Variants in KMT2C observed in about 807,000 individuals in gnomAD.
KMT2C encodes histone-lysine N-methyltransferase 2C.
A neutral mutation model predicts 507.9 loss-of-function variants in KMT2C; 88 were observed. That is an observed-to-expected ratio of 0.17 (90% CI 0.15 to 0.21). The LOEUF (loss-of-function observed/expected upper bound fraction) is 0.21, where lower values mean the gene tolerates loss of function less well. KMT2C is among the 10% of genes least tolerant of loss of function. The pLI is 1.00. For synonymous variants in KMT2C, 2,049 were observed against 2,080.8 expected, an observed-to-expected ratio of 0.98 and a Z score of 0.42; for missense variants, 4,954 against 5,957.8, an observed-to-expected ratio of 0.83 and a Z score of 5.55.
chr7:152,350,213 G>A (rs937991511), intron 2 of KMT2C, among the ~76,000 whole-genome samples: 2 of 152,094 alleles, frequency 1.3e-5, no homozygotes, highest in Non-Finnish European at 2.9e-5. Context: ...TTGCACCATT[G>A]CACTCCAGCT....
intron 2 of KMT2C, among the ~76,000 whole-genome samples, chr7:152,335,207 G>C (rs773393966): frequency 9.9e-5 from 15 of 152,132 alleles, no homozygotes; most frequent in Non-Finnish European, 1.9e-4. Flanking sequence ...AGATAGAAAA[G>C]AATACAGTTC....
intron 6 of KMT2C, among the ~76,000 whole-genome samples, chr7:152,299,271 T>A (rs2096544141): frequency 6.6e-6 from 1 of 151,844 alleles, no homozygotes; most frequent in Admixed American, 6.6e-5. Context: ...TGAGCCGAGA[T>A]AGCGCCACTG....
intron 3 of KMT2C, among the ~76,000 whole-genome samples, chr7:152,320,421 G>C (rs1368608544): frequency 6.6e-6 from 1 of 152,100 alleles, no homozygotes; most frequent in Non-Finnish European, 1.5e-5. Context: ...GCTAATTTTT[G>C]TATTTTTAGT....
intron 1 of KMT2C, among the ~76,000 whole-genome samples, chr7:152,398,774 T>C (rs2097552843): frequency 1.3e-5 from 2 of 152,212 alleles, no homozygotes; most frequent in Non-Finnish European, 2.9e-5. Context: ...TAACTTTTTA[T>C]GTGACATCTT....
chr7:152,374,577 G>A (rs2097314367), intron 1 of KMT2C, among the ~76,000 whole-genome samples: 1 of 152,020 alleles, frequency 6.6e-6, no homozygotes, highest in South Asian at 2.1e-4. Context: ...GTCAGGTTAT[G>A]GGAAAATCGA....
chr7:152,157,895 T>C (rs765583654), intron 44 of KMT2C: 27 of 1,338,678 alleles, frequency 2.0e-5, no homozygotes, highest in Non-Finnish European at 2.6e-5. Flanking sequence ...ACTCCAATGA[T>C]TGGTTCCATT....
intron 6 of KMT2C, among the ~76,000 whole-genome samples, chr7:152,301,246 T>A (rs2129193315): frequency 6.7e-6 from 1 of 150,092 alleles, no homozygotes; most frequent in Non-Finnish European, 1.5e-5. Context: ...GGATCACACC[T>A]GTAGTCCCAA....
At chr7:152,232,015 G>T (rs1275037332) in intron 16 of KMT2C, among the ~76,000 whole-genome samples, 1 of 152,010 alleles carries the variant, frequency 6.6e-6, no homozygotes, top group Non-Finnish European at 1.5e-5. Flanking sequence ...GAGTAGCTGG[G>T]ACTACAGGTG....
At chr7:152,365,880 G>A (rs1217724227) in intron 1 of KMT2C, among the ~76,000 whole-genome samples, 2 of 152,134 alleles carry the variant, frequency 1.3e-5, no homozygotes, top group Non-Finnish European at 2.9e-5. Flanking sequence ...TGGGTACTCA[G>A]GAGGATGAGG....
At chr7:152,187,628 T>A in intron 32 of KMT2C, 87 bp downstream of exon 32, 4 of 1,488,194 alleles carry the variant, frequency 2.7e-6, no homozygotes, top group Non-Finnish European at 3.7e-6. Context: ...AATAATATCA[T>A]ACACAATCAT....
At chr7:152,184,166 A>G (rs1407442563) in intron 34 of KMT2C, among the ~76,000 whole-genome samples, 1 of 148,000 alleles carries the variant, frequency 6.8e-6, no homozygotes, top group Non-Finnish European at 1.5e-5. Flanking sequence ...ATCATTAAAG[A>G]AATCACTTAA....
At chr7:152,328,884 G>T (rs1480580974) in intron 3 of KMT2C, among the ~76,000 whole-genome samples, 1 of 152,126 alleles carries the variant, frequency 6.6e-6, no homozygotes, top group Non-Finnish European at 1.5e-5. Flanking sequence ...TTATTGAAAT[G>T]AGGAAATCGT....
intron 26 of KMT2C, among the ~76,000 whole-genome samples, chr7:152,201,617 GAAAAAAAAAAAAAA>G (rs745427209): frequency 3.5e-4 from 8 of 22,906 alleles, no homozygotes; most frequent in Admixed American, 1.6e-3. Context: ...CAACAAAGAT[GAAAAAAAAAAAAAA>G]AAAAAAAAAA....
Position 152,224,590 on chromosome 7 carries a change from A to T in KMT2C, c.3003T>A (p.Gly1001=). The T allele has an allele frequency of 6.3e-7, 1 of 1,591,558 alleles. No individual in the cohort carries two copies. The highest frequency in any genetic ancestry group is 8.6e-7 in the Non-Finnish European group (1 of 1,161,960). ...IKITKVVLSK[G]WRCLECTVCE... ...ACACAGTGCACTCAAGACACCTCCA[A>T]CCTTTGCTAAGAACCACTTTAGTGA... Residue 1001 remains glycine (G), a synonymous_variant, in exon 19 of 59, where the codon GGT becomes GGA. Transcript: ENST00000262189.
chr7:152,179,630 T>A (rs758646383), intron 37 of KMT2C, among the ~76,000 whole-genome samples: 39 of 140,350 alleles, frequency 2.8e-4, no homozygotes, highest in South Asian at 9.8e-4. Context: ...CTATTTCTTT[T>A]AAAAAATTTT....
Position 152,182,508 on chromosome 7 carries a change from TTGC to T in KMT2C, c.5349_5351del (p.Gln1787del), listed in dbSNP as rs749417254. ...GATGCTGAGAACCAAATTGCTGTTG[TTGC>T]TGCTGCTGCTGCTCATTTTTCACCT... On this transcript the variant is annotated inframe_deletion, in exon 36 of 59. Coordinates refer to ENST00000262189, the MANE Select transcript of KMT2C (RefSeq NM_170606.3). 3 of 1,613,812 alleles carry T rather than the reference TTGC, an allele frequency of 1.9e-6. No individual in the cohort carries two copies. The highest frequency in any genetic ancestry group is 2.2e-5 in the East Asian group (1 of 44,884).
chr7:152,311,710 GTATT>G (rs2096673213), intron 5 of KMT2C, 84 bp downstream of exon 5: 3 of 883,468 alleles, frequency 3.4e-6, no homozygotes, highest in South Asian at 5.1e-5. Context: ...TAGATGAAAG[GTATT>G]TATTATTGAG....
chr7:152,248,306 A>G lies in KMT2C; in HGVS notation c.2128T>C (p.Cys710Arg). The change falls in exon 14 of 59, where the codon TGT becomes CGT. Residue 710 changes from cysteine (C) to arginine (R), a missense_variant. Cys to Arg is a radical substitution (Grantham distance 180). Coordinates refer to ENST00000262189, the MANE Select transcript of KMT2C (RefSeq NM_170606.3). The stretch of plus-strand genomic sequence containing the variant: ...TCTATAACCAACTGTTCCTCAGGAC[A>G]TAATGAAATACTTTCCTCATGTGGG... Reference protein sequence around the residue: ...VSPHEESISLCPEEQLVIERL... With the variant: ...VSPHEESISLRPEEQLVIERL... 2 of 1,613,928 alleles carry G rather than the reference A, an allele frequency of 1.2e-6. No individual in the cohort carries two copies. The highest frequency in any genetic ancestry group is 2.2e-5 in the South Asian group (2 of 91,068).
At chr7:152,237,195 T>C (rs1226435139) in intron 15 of KMT2C, among the ~76,000 whole-genome samples, 1 of 152,238 alleles carries the variant, frequency 6.6e-6, no homozygotes, top group East Asian at 1.9e-4. Context: ...TTAAATAATA[T>C]GTCATATCTT....
Sources: allele counts gnomAD v4.1 joint callset (sites outside exome capture counted in the v4.1 genomes callset), GRCh38; gene constraint gnomAD v4.1.1; transcripts MANE v1.5; gene names NCBI Gene and HGNC (gene_info 2026-07-23, HGNC 2026-07-21).